The following LIPH variants were observed in gnomAD, a reference collection of about 807,000 sequenced individuals.
LIPH encodes lipase H, also known as lipase member H.
LIPH carries 32 observed loss-of-function variants against 47.6 expected under a neutral mutation model. The ratio of observed to expected loss-of-function variants is 0.67; its 90% CI spans 0.51 to 0.90. LIPH has a LOEUF of 0.90. Ranked by LOEUF, LIPH falls within the 40% of genes least tolerant of loss-of-function variation. The probability of loss-of-function intolerance (pLI) is 0.00; values close to 1 mark genes in which losing one functional copy is unlikely to be tolerated. For missense variants in LIPH, 497 were observed against 541.4 expected (o/e 0.92, Z 0.81); for synonymous variants, 190 against 195.6 (o/e 0.97, Z 0.24).
chr3:185,545,517 T>C (rs942719306), intron 1 of LIPH, among the ~76,000 whole-genome samples: 1 of 152,214 alleles, frequency 6.6e-6, no homozygotes, highest in Non-Finnish European at 1.5e-5. Context: ...CTATGACTAA[T>C]GGCCCATAAA....
chr3:185,513,823 G>A, intron 8 of LIPH, among the ~76,000 whole-genome samples: 1 of 152,190 alleles, frequency 6.6e-6, no homozygotes, highest in African/African-American at 2.4e-5. Context: ...GGCAGATCAT[G>A]AAGTCAGGAG....
intron 3 of LIPH, among the ~76,000 whole-genome samples, chr3:185,528,481 T>G (rs1720199182): frequency 6.6e-6 from 1 of 152,144 alleles, no homozygotes. Flanking sequence ...TTGATCCATG[T>G]TGCAAACCTG....
chr3:185,511,493 A>G, intron 9 of LIPH, 31 bp downstream of exon 9: 1 of 1,609,362 alleles, frequency 6.2e-7, no homozygotes, highest in Non-Finnish European at 8.5e-7. Flanking sequence ...TTTGGAAAAC[A>G]GCGTTTTGTC....
chr3:185,527,451 G>T, intron 4 of LIPH, 33 bp downstream of exon 4: 1 of 1,393,308 alleles, frequency 7.2e-7, no homozygotes, highest in Non-Finnish European at 1.0e-6. Flanking sequence ...GGAGCCTGGC[G>T]GTGTCACTGA....
intron 1 of LIPH, among the ~76,000 whole-genome samples, chr3:185,545,318 A>G (rs890215086): frequency 1.3e-5 from 2 of 152,194 alleles, no homozygotes; most frequent in Non-Finnish European, 2.9e-5. Context: ...ATTCCCTTCT[A>G]TCTCTTAAAA....
intron 1 of LIPH, among the ~76,000 whole-genome samples, chr3:185,543,310 G>A (rs1720771111): frequency 1.3e-5 from 2 of 152,236 alleles, no homozygotes; most frequent in Non-Finnish European, 2.9e-5. Flanking sequence ...GTGCCTTAGA[G>A]AGAAAATACA....
intron 5 of LIPH, among the ~76,000 whole-genome samples, chr3:185,523,458 G>A (rs1481191791): frequency 3.3e-5 from 5 of 152,096 alleles, no homozygotes; most frequent in Admixed American, 3.3e-4. Flanking sequence ...AGGTTAGAGT[G>A]CAGTGGCATG....
intron 2 of LIPH, among the ~76,000 whole-genome samples, chr3:185,534,084 G>A (rs555912372): frequency 6.6e-6 from 1 of 152,192 alleles, no homozygotes; most frequent in African/African-American, 2.4e-5. Context: ...TTAGCCGGGC[G>A]CAGTGGCTCA....
chr3:185,535,604 T>G (rs920431418), intron 1 of LIPH, among the ~76,000 whole-genome samples: 2 of 150,166 alleles, frequency 1.3e-5, no homozygotes, highest in African/African-American at 2.5e-5. Context: ...TGTTTTTTTG[T>G]TTTTGTTTTT....
In LIPH at chr3:185,508,792, A is replaced by AC. The variant is rs765730816; in HGVS notation, c.1353dup (p.Ter452ValfsTer11). 1.2e-6 allele frequency: 2 copies of AC among 1,608,192 alleles called. No homozygotes were observed. The highest frequency in any genetic ancestry group is 2.7e-5 in the African/African-American group (2 of 74,794). On this transcript the variant is annotated frameshift_variant, in exon 10 of 10. Transcript: ENST00000296252. The stretch of plus-strand genomic sequence containing the variant: ...ATGGCCATGTGTCCTGGCAACAGTT[A>AC]CAACTGCAACTCTGGGCAAAGAATA...
intron 9 of LIPH, 89 bp from the exon 10 acceptor site, chr3:185,508,966 T>C (rs1159409687): frequency 1.2e-6 from 1 of 854,964 alleles, no homozygotes; most frequent in East Asian, 2.7e-5. Flanking sequence ...AGATACAAAA[T>C]TATTTAGCAA....
chr3:185,510,010 G>A (rs1008484097), intron 9 of LIPH, among the ~76,000 whole-genome samples: 4 of 146,060 alleles, frequency 2.7e-5, no homozygotes, highest in African/African-American at 1.0e-4. Context: ...GCAGTGGTAC[G>A]ATCTCGGCTC....
At chr3:185,515,854 C>T (rs1719714944) in intron 7 of LIPH, among the ~76,000 whole-genome samples, 2 of 152,116 alleles carry the variant, frequency 1.3e-5, no homozygotes, top group Non-Finnish European at 2.9e-5. Flanking sequence ...AAAAGAGTTG[C>T]TCACACCTGG....
At chr3:185,530,671 A>G (rs1439794146) in intron 3 of LIPH, among the ~76,000 whole-genome samples, 1 of 152,032 alleles carries the variant, frequency 6.6e-6, no homozygotes, top group Admixed American at 6.6e-5. Flanking sequence ...CTGTGTCTCA[A>G]AAAAACAAAA....
intron 6 of LIPH, among the ~76,000 whole-genome samples, 167 bp from the exon 7 acceptor site, chr3:185,517,329 G>A (rs1719759976): frequency 6.6e-6 from 1 of 152,096 alleles, no homozygotes; most frequent in Admixed American, 6.5e-5. Flanking sequence ...CCATCTTGCT[G>A]GCCAACCCTG....
intron 3 of LIPH, among the ~76,000 whole-genome samples, chr3:185,531,955 T>C (rs547281681): frequency 1.3e-5 from 2 of 152,126 alleles, no homozygotes; most frequent in African/African-American, 4.8e-5. Flanking sequence ...TTCTTCTGCG[T>C]TGGCCTCCCA....
At chr3:185,526,839 A>G (rs184349445) in intron 4 of LIPH, among the ~76,000 whole-genome samples, 1 of 152,112 alleles carries the variant, frequency 6.6e-6, no homozygotes, top group African/African-American at 2.4e-5. Context: ...GAAAATAAAA[A>G]GAACCAACAA....
intron 1 of LIPH, among the ~76,000 whole-genome samples, chr3:185,550,649 A>T (rs1721021915): frequency 6.6e-6 from 1 of 152,082 alleles, no homozygotes; most frequent in African/African-American, 2.4e-5. Flanking sequence ...GGCTCACTGC[A>T]ACCTCTGCCT....
At chr3:185,532,756 C>T (rs1266859920) in intron 3 of LIPH, among the ~76,000 whole-genome samples, 1 of 151,892 alleles carries the variant, frequency 6.6e-6, no homozygotes, top group Admixed American at 6.6e-5. Flanking sequence ...CACCACTGCA[C>T]TCCAGCCTGG....
Sources: allele counts gnomAD v4.1 joint callset (sites outside exome capture counted in the v4.1 genomes callset), GRCh38; gene constraint gnomAD v4.1.1; transcripts MANE v1.5; gene names NCBI Gene and HGNC (gene_info 2026-07-23, HGNC 2026-07-21).